The following SPATA16 variants were observed in gnomAD, a reference collection of about 807,000 sequenced individuals.
The protein encoded by SPATA16 is spermatogenesis associated 16.
SPATA16 carries 36 observed loss-of-function variants against 63.3 expected under a neutral mutation model. That is an observed-to-expected ratio of 0.57 (90% confidence interval 0.44 to 0.75). The LOEUF (loss-of-function observed/expected upper bound fraction) is 0.75. Ranked by LOEUF, SPATA16 falls within the 30% of genes least tolerant of loss-of-function variation. SPATA16 has a pLI of 0.00. For missense variants in SPATA16, 646 were observed against 679.3 expected, an observed-to-expected ratio of 0.95 and a Z score of 0.54; for synonymous variants, 203 against 216.7, an observed-to-expected ratio of 0.94 and a Z score of 0.56.
At chr3:173,049,224 G>A (rs111874097) in intron 2 of SPATA16, 130 bp from the exon 3 acceptor site, 2 of 931,212 alleles carry the variant, frequency 2.1e-6, no homozygotes, top group Non-Finnish European at 3.1e-6. Context: ...TTGCGTATAT[G>A]TTAAAAGTAT....
rs2673504 is a variant in SPATA16, at chr3:173,014,815, C to A, written c.848+4671G>T. Among the ~76,000 whole-genome samples the A allele has an allele frequency of 4.0e-5, 6 of 151,870 alleles. No individual in the cohort carries two copies. The South Asian group carries it at 1.0e-3, about 26-fold the overall frequency. On this transcript the variant is annotated intron_variant, in intron 4 of 10. Transcript: ENST00000351008. ...TCCTGGTTTGTACCTGTTTTCCTGG[C>A]GTAATTCTTAATAGTGTCCACTTTC...
chr3:173,108,085 CT>C (rs1446683991), intron 2 of SPATA16, among the ~76,000 whole-genome samples: 1 of 152,114 alleles, frequency 6.6e-6, no homozygotes. Flanking sequence ...CACCTGTAAA[CT>C]ATGGAAATAA....
At chr3:173,011,172 G>T (rs1489099363) in intron 4 of SPATA16, among the ~76,000 whole-genome samples, 1 of 152,082 alleles carries the variant, frequency 6.6e-6, no homozygotes. Flanking sequence ...CAAAATACTG[G>T]CAAACTGAAT....
At chr3:173,073,557 G>T (rs1424540077) in intron 2 of SPATA16, among the ~76,000 whole-genome samples, 4 of 152,260 alleles carry the variant, frequency 2.6e-5, no homozygotes, top group Admixed American at 2.6e-4. Context: ...TCCACATGGT[G>T]TTGAGCCTGT....
rs1413866774 is a variant in SPATA16, at chr3:172,933,980, C to T, written c.1082-8488G>A. Reference sequence around the variant, plus strand: ...TGGAATTATTACTTTTTACAGCTAGCACAAAGGTAGCAATATTGAATACAT... The same window carrying T: ...TGGAATTATTACTTTTTACAGCTAGTACAAAGGTAGCAATATTGAATACAT... On this transcript the variant is annotated intron_variant, in intron 6 of 10. Coordinates refer to ENST00000351008, the MANE Select transcript of SPATA16 (RefSeq NM_031955.6). 2.0e-5 allele frequency among the ~76,000 whole-genome samples: 3 copies of T among 152,202 alleles called. No homozygotes were observed. The East Asian group carries it at 5.8e-4, about 29-fold the overall frequency.
chr3:172,911,643 A>G (rs929359733), intron 10 of SPATA16, among the ~76,000 whole-genome samples: 16 of 152,188 alleles, frequency 1.1e-4, no homozygotes, highest in Non-Finnish European at 1.9e-4. Context: ...AGCTGCTCCT[A>G]TGAGAGTGTC....
intron 6 of SPATA16, 85 bp from the exon 7 acceptor site, chr3:172,925,577 T>A: frequency 6.5e-7 from 1 of 1,545,998 alleles, no homozygotes; most frequent in South Asian, 1.1e-5. Context: ...TCAGGAATTG[T>A]ACTTGGAAAA....
intron 6 of SPATA16, among the ~76,000 whole-genome samples, chr3:172,953,466 C>G (rs1169037250): frequency 2.0e-5 from 3 of 152,168 alleles, no homozygotes; most frequent in Non-Finnish European, 1.5e-5. Flanking sequence ...AGCAGTCCAG[C>G]AGGAAGAGGA....
At chr3:172,907,512 G>T (rs1031173531) in intron 10 of SPATA16, among the ~76,000 whole-genome samples, 1 of 151,532 alleles carries the variant, frequency 6.6e-6, no homozygotes, top group East Asian at 1.9e-4. Context: ...CATTCAGCTT[G>T]TTACCCTACC....
intron 4 of SPATA16, among the ~76,000 whole-genome samples, chr3:173,000,360 A>AT (rs1460064432): frequency 5.3e-5 from 8 of 151,844 alleles, no homozygotes; most frequent in Non-Finnish European, 7.4e-5. Flanking sequence ...TGAGATAGTG[A>AT]TTTTTTTTCT....
At chr3:172,996,730 G>GAT (rs1201285649) in intron 4 of SPATA16, among the ~76,000 whole-genome samples, 1 of 152,006 alleles carries the variant, frequency 6.6e-6, no homozygotes, top group Non-Finnish European at 1.5e-5. Context: ...AACGTACAAT[G>GAT]ATATATATCC....
intron 4 of SPATA16, among the ~76,000 whole-genome samples, chr3:173,004,494 C>T (rs966433214): frequency 6.6e-6 from 1 of 151,626 alleles, no homozygotes; most frequent in Admixed American, 6.6e-5. Context: ...CCTCTCAACT[C>T]CTTAAATCAG....
chr3:173,121,894 A>G (rs1029206827), intron 1 of SPATA16, among the ~76,000 whole-genome samples: 3 of 152,188 alleles, frequency 2.0e-5, no homozygotes, highest in Non-Finnish European at 4.4e-5. Context: ...ACTAGATTTA[A>G]ACTATCAACC....
chr3:173,093,514 G>A (rs1420972090), intron 2 of SPATA16, among the ~76,000 whole-genome samples: 1 of 152,094 alleles, frequency 6.6e-6, no homozygotes, highest in Non-Finnish European at 1.5e-5. Context: ...TGGCACAGAA[G>A]AGGCACACAA....
chr3:173,045,330 G>A (rs1237979658), intron 3 of SPATA16, among the ~76,000 whole-genome samples: 1 of 152,078 alleles, frequency 6.6e-6, no homozygotes, highest in Non-Finnish European at 1.5e-5. Flanking sequence ...AGAAGATTAT[G>A]GGGCTCATCC....
At chr3:172,902,006 C>T (rs974318614) in intron 10 of SPATA16, among the ~76,000 whole-genome samples, 2 of 152,184 alleles carry the variant, frequency 1.3e-5, no homozygotes, top group African/African-American at 4.8e-5. Flanking sequence ...TTCTCTGACA[C>T]TACCCTGTTA....
At chr3:172,995,330 T>C (rs1470053496) in intron 4 of SPATA16, among the ~76,000 whole-genome samples, 1 of 152,064 alleles carries the variant, frequency 6.6e-6, no homozygotes, top group Non-Finnish European at 1.5e-5. Flanking sequence ...TATTATTATC[T>C]ACTTTCCACA....
intron 6 of SPATA16, among the ~76,000 whole-genome samples, chr3:172,945,572 C>T (rs190543454): frequency 1.3e-5 from 2 of 152,188 alleles, no homozygotes; most frequent in African/African-American, 2.4e-5. Context: ...AGACTGTGTG[C>T]GTGGTGGAGG....
chr3:172,903,411 A>G (rs376374925), intron 10 of SPATA16, among the ~76,000 whole-genome samples: 145 of 152,354 alleles, frequency 9.5e-4, no homozygotes, highest in African/African-American at 3.3e-3. Flanking sequence ...AAATTAGCTC[A>G]TAAGTGGATC....
Sources: gnomAD v4.1 joint callset for allele counts (sites outside exome capture counted in the v4.1 genomes callset) on GRCh38, gnomAD v4.1.1 for gene constraint, MANE v1.5 for transcripts, NCBI Gene and HGNC (gene_info 2026-07-23, HGNC 2026-07-21) for gene names.